The following LINGO2 variants were observed in gnomAD, a reference collection of about 807,000 sequenced individuals.
LINGO2 encodes the protein leucine-rich repeat and immunoglobulin-like domain-containing nogo receptor-interacting protein 2.
A neutral mutation model predicts 30.6 loss-of-function variants in LINGO2; 14 were observed. The ratio of observed to expected loss-of-function variants is 0.46; its 90% confidence interval spans 0.30 to 0.72. The LOEUF (loss-of-function observed/expected upper bound fraction) is 0.72. LINGO2 is among the 30% of genes least tolerant of loss of function. LINGO2 has a pLI of 0.07. For missense variants in LINGO2, 729 were observed against 751.7 expected, an observed-to-expected ratio of 0.97 and a Z score of 0.35; for synonymous variants, 317 against 288.5, an observed-to-expected ratio of 1.10 and a Z score of -1.00.
chr9:28,541,456 T>C (rs1185233404), intron 1 of LINGO2, among the ~76,000 whole-genome samples: 3 of 152,110 alleles, frequency 2.0e-5, no homozygotes. Flanking sequence ...GTCAGAAAAA[T>C]AGATTCTCAA....
the LINGO2 span, among the ~76,000 whole-genome samples, chr9:28,932,803 AT>A: frequency 6.6e-5 from 10 of 151,814 alleles, no homozygotes; most frequent in African/African-American, 2.4e-4. Context: ...GTTACTCTCA[AT>A]TTTTTCTGCT....
intron 4 of LINGO2, among the ~76,000 whole-genome samples, chr9:28,093,767 A>G (rs1826166105): frequency 6.6e-6 from 1 of 152,012 alleles, no homozygotes; most frequent in Non-Finnish European, 1.5e-5. Flanking sequence ...AGTGTGGCAG[A>G]CTGAGCCACG....
At chr9:29,188,970 C>A in the LINGO2 span, among the ~76,000 whole-genome samples, 4 of 149,114 alleles carry the variant, frequency 2.7e-5, no homozygotes, top group African/African-American at 9.9e-5. Context: ...CTGACCCCCC[C>A]ACCTCCCTGC....
chr9:28,577,112 A>T (rs186017130), intron 1 of LINGO2, among the ~76,000 whole-genome samples: 51 of 152,296 alleles, frequency 3.3e-4, no homozygotes, highest in Middle Eastern at 6.8e-3. Flanking sequence ...CCCCAAATTA[A>T]ATTGCCTTTA....
the LINGO2 span, among the ~76,000 whole-genome samples, chr9:29,103,676 GT>G: frequency 6.6e-6 from 1 of 152,060 alleles, no homozygotes; most frequent in Non-Finnish European, 1.5e-5. Context: ...AAAGTAAGTG[GT>G]TGAGATGTAG....
At chr9:29,086,381 G>GT in the LINGO2 span, among the ~76,000 whole-genome samples, 23 of 151,152 alleles carry the variant, frequency 1.5e-4, no homozygotes, top group Admixed American at 6.6e-4. Flanking sequence ...CTTTATCAAG[G>GT]TTTTTTTTGG....
At chr9:28,929,474 G>A in the LINGO2 span, among the ~76,000 whole-genome samples, 1 of 152,194 alleles carries the variant, frequency 6.6e-6, no homozygotes, top group Non-Finnish European at 1.5e-5. Context: ...AGAGAAGGCA[G>A]CTAGAGTTCT....
chr9:28,722,524 A>G, the LINGO2 span, among the ~76,000 whole-genome samples: 1 of 152,098 alleles, frequency 6.6e-6, no homozygotes, highest in Non-Finnish European at 1.5e-5. Flanking sequence ...TCTTTTTACT[A>G]AGTGACTTAA....
intron 2 of LINGO2, among the ~76,000 whole-genome samples, chr9:28,431,948 C>T (rs1218249935): frequency 6.6e-6 from 1 of 151,954 alleles, no homozygotes; most frequent in African/African-American, 2.4e-5. Context: ...TCTCTCTTTC[C>T]CTAAATACGT....
chr9:28,543,243 A>T (rs1327792207), intron 1 of LINGO2, among the ~76,000 whole-genome samples: 1 of 152,086 alleles, frequency 6.6e-6, no homozygotes, highest in African/African-American at 2.4e-5. Context: ...ATAAATGTCT[A>T]TTTAAACTTA....
At chr9:27,965,939 T>A (rs781358548) in intron 5 of LINGO2, among the ~76,000 whole-genome samples, 7 of 152,136 alleles carry the variant, frequency 4.6e-5, no homozygotes, top group Non-Finnish European at 7.4e-5. Flanking sequence ...ACCGTCAAAC[T>A]GTGTTTAAAT....
intron 2 of LINGO2, among the ~76,000 whole-genome samples, chr9:28,383,366 GT>G (rs989948975): frequency 6.6e-6 from 1 of 151,322 alleles, no homozygotes; most frequent in Non-Finnish European, 1.5e-5. Context: ...TTTCTCCTCT[GT>G]TTTTAATCTT....
chr9:28,789,635 GAAAAAATTAA>G, the LINGO2 span, among the ~76,000 whole-genome samples: 2 of 152,132 alleles, frequency 1.3e-5, no homozygotes, highest in East Asian at 3.9e-4. Context: ...GGTTAATTTA[GAAAAAATTAA>G]GGTAAAGTTA....
chr9:28,556,515 G>T (rs1314983035), intron 1 of LINGO2, among the ~76,000 whole-genome samples: 2 of 152,014 alleles, frequency 1.3e-5, no homozygotes, highest in Non-Finnish European at 2.9e-5. Context: ...ACAAATGGAA[G>T]AATATTCCAT....
At chr9:28,725,674 C>G in the LINGO2 span, among the ~76,000 whole-genome samples, 18 of 149,866 alleles carry the variant, frequency 1.2e-4, 1 homozygote, top group South Asian at 3.8e-3. Flanking sequence ...TATAAAGGAA[C>G]AGCAAATATG....
At position 28,479,845 on chromosome 9, in the gene LINGO2, C is replaced by CTGTGTGTGTG. The variant is rs528584169; in HGVS notation, c.-364-3830_-364-3821dup. ...GTCTTAACTACTGGAACCATGTCAT[C>CTGTGTGTGTG]TGTGTGTGTGTGTGTGTGTGTGTGT... On this transcript the variant is annotated intron_variant, in intron 1 of 5. Coordinates refer to ENST00000379992, the Ensembl canonical transcript of LINGO2. 3.6e-3 allele frequency among the ~76,000 whole-genome samples: 216 copies of CTGTGTGTGTG among 60,118 alleles called. 1 individual carries two copies. The highest frequency in any genetic ancestry group is 5.0e-3 in the African/African-American group (95 of 18,882). The allele number at this position is 60,118 out of a possible 152,430, so 39.4% of individuals were successfully genotyped here.
the LINGO2 span, among the ~76,000 whole-genome samples, chr9:28,857,224 T>C: frequency 6.6e-6 from 1 of 151,978 alleles, no homozygotes; most frequent in Admixed American, 6.6e-5. Context: ...TAGAATTTTC[T>C]AGAGAAAGTA....
At chr9:28,850,326 G>C in the LINGO2 span, among the ~76,000 whole-genome samples, 3 of 151,880 alleles carry the variant, frequency 2.0e-5, no homozygotes, top group East Asian at 5.8e-4. Flanking sequence ...TATTCAGACG[G>C]AGAGATATAG....
chr9:28,548,728 A>T (rs989931947), intron 1 of LINGO2, among the ~76,000 whole-genome samples: 15 of 139,564 alleles, frequency 1.1e-4, no homozygotes, highest in African/African-American at 3.6e-4. Context: ...AAAAAAAAAA[A>T]AATATTTGAT....
Sources: gnomAD v4.1 joint callset for allele counts (sites outside exome capture counted in the v4.1 genomes callset) on GRCh38, gnomAD v4.1.1 for gene constraint, MANE v1.5 for transcripts, NCBI Gene and HGNC (gene_info 2026-07-23, HGNC 2026-07-21) for gene names.